CFAP299: variants seen among roughly 807,000 people sequenced by gnomAD.
CFAP299 encodes cilia- and flagella-associated protein 299.
Under a neutral mutation model 27.0 loss-of-function variants are expected in CFAP299, and 21 were observed. The ratio of observed to expected loss-of-function variants is 0.78; its 90% CI spans 0.55 to 1.12. The LOEUF is 1.12. Ranked by LOEUF, CFAP299 falls within the 50% of genes most tolerant of loss-of-function variation. CFAP299 has a pLI of 0.00. For synonymous variants in CFAP299, 104 were observed against 98.1 expected (o/e 1.06, Z -0.36); for missense variants, 310 against 276.6 (o/e 1.12, Z -0.86).
At chr4:80,565,252 G>A (rs1485507282) in intron 2 of CFAP299, among the ~76,000 whole-genome samples, 1 of 152,000 alleles carries the variant, frequency 6.6e-6, no homozygotes, top group East Asian at 1.9e-4. Flanking sequence ...ATCAGCAGCT[G>A]AGTGACTAAC....
chr4:80,901,179 C>CAA (rs930598724), intron 4 of CFAP299, among the ~76,000 whole-genome samples: 3 of 151,230 alleles, frequency 2.0e-5, no homozygotes, highest in South Asian at 2.1e-4. Flanking sequence ...TTATGGAGGG[C>CAA]AAAAAAAATA....
intron 1 of CFAP299, among the ~76,000 whole-genome samples, chr4:80,341,258 G>A (rs987053360): frequency 2.6e-5 from 4 of 152,234 alleles, no homozygotes; most frequent in Non-Finnish European, 5.9e-5. Context: ...AGCCTTTCTA[G>A]CTTGCTGGCT....
intron 2 of CFAP299, among the ~76,000 whole-genome samples, chr4:80,514,511 G>A (rs1346192884): frequency 6.6e-6 from 1 of 151,958 alleles, no homozygotes; most frequent in Non-Finnish European, 1.5e-5. Flanking sequence ...ATAAAAATGA[G>A]TTAATTCAGG....
At chr4:80,687,888 G>T (rs1353666082) in intron 3 of CFAP299, among the ~76,000 whole-genome samples, 1 of 152,204 alleles carries the variant, frequency 6.6e-6, no homozygotes, top group East Asian at 1.9e-4. Flanking sequence ...AGCACAGGGG[G>T]GTCAGGGAGT....
At chr4:80,942,543 T>G (rs1737253599) in intron 4 of CFAP299, among the ~76,000 whole-genome samples, 1 of 152,182 alleles carries the variant, frequency 6.6e-6, no homozygotes, top group Non-Finnish European at 1.5e-5. Flanking sequence ...CCATCTCTGC[T>G]TAGGAGAACA....
chr4:80,823,263 G>C (rs1729803571), intron 3 of CFAP299, among the ~76,000 whole-genome samples: 1 of 152,062 alleles, frequency 6.6e-6, no homozygotes, highest in African/African-American at 2.4e-5. Context: ...TCTCACCCTA[G>C]TTTAGGCCTT....
At chr4:80,647,660 TCACATTTGTTTC>T (rs1199184468) in intron 3 of CFAP299, among the ~76,000 whole-genome samples, 1 of 151,490 alleles carries the variant, frequency 6.6e-6, no homozygotes, top group Non-Finnish European at 1.5e-5. Flanking sequence ...CAAGAGCCAT[TCACATTTGTTTC>T]CACACATGTT....
At chr4:80,857,639 C>G (rs967806238) in intron 3 of CFAP299, among the ~76,000 whole-genome samples, 1 of 152,114 alleles carries the variant, frequency 6.6e-6, no homozygotes, top group Non-Finnish European at 1.5e-5. Context: ...TTGTCAAAGG[C>G]CTTTTCTGCA....
chr4:80,565,831 TAAAGC>T (rs1735254926), intron 2 of CFAP299, among the ~76,000 whole-genome samples: 1 of 152,102 alleles, frequency 6.6e-6, no homozygotes, highest in Admixed American at 6.6e-5. Context: ...ATATTTGTGA[TAAAGC>T]AAATGAGTTA....
chr4:80,799,519 TA>T (rs1728145750), intron 3 of CFAP299, among the ~76,000 whole-genome samples: 1 of 78,980 alleles, frequency 1.3e-5, no homozygotes, highest in South Asian at 4.2e-4. Context: ...TGTATATTTA[TA>T]TAATATATAA....
chr4:80,449,604 G>A (rs1343518348), intron 2 of CFAP299, among the ~76,000 whole-genome samples: 2 of 151,354 alleles, frequency 1.3e-5, no homozygotes, highest in African/African-American at 2.4e-5. Context: ...CTTAAAAAAC[G>A]TTTTAAATTA....
chr4:80,475,996 G>A (rs1730256067), intron 2 of CFAP299, among the ~76,000 whole-genome samples: 2 of 152,176 alleles, frequency 1.3e-5, no homozygotes, highest in South Asian at 4.1e-4. Context: ...GTGAGGCCAA[G>A]TAGTCTATCC....
intron 2 of CFAP299, among the ~76,000 whole-genome samples, chr4:80,476,885 G>A (rs1730297566): frequency 6.6e-6 from 1 of 151,940 alleles, no homozygotes; most frequent in East Asian, 1.9e-4. Flanking sequence ...GTATGATGGT[G>A]GATTTTACAC....
At chr4:80,674,200 C>G (rs936460289) in intron 3 of CFAP299, among the ~76,000 whole-genome samples, 1 of 152,068 alleles carries the variant, frequency 6.6e-6, no homozygotes, top group Non-Finnish European at 1.5e-5. Flanking sequence ...TTCAGGAGCT[C>G]TTTTAGGGCA....
chr4:80,343,799 T>TAAAAAA (rs35187249), intron 1 of CFAP299, among the ~76,000 whole-genome samples: 9 of 75,344 alleles, frequency 1.2e-4, no homozygotes, highest in Admixed American at 3.8e-4. Context: ...AGACTCCGTC[T>TAAAAAA]AAAAAAAAAA....
intron 3 of CFAP299, among the ~76,000 whole-genome samples, chr4:80,758,226 G>A (rs1244633871): frequency 4.6e-5 from 7 of 152,192 alleles, no homozygotes; most frequent in South Asian, 2.1e-4. Flanking sequence ...GCTGAGGAAA[G>A]TGGCTTTCAG....
intron 3 of CFAP299, among the ~76,000 whole-genome samples, chr4:80,823,741 G>A (rs969811473): frequency 6.6e-6 from 1 of 152,036 alleles, no homozygotes; most frequent in Non-Finnish European, 1.5e-5. Context: ...AACTGTTATA[G>A]CAATGCATGA....
intron 2 of CFAP299, among the ~76,000 whole-genome samples, chr4:80,470,844 T>G (rs893559732): frequency 6.6e-6 from 1 of 152,084 alleles, no homozygotes; most frequent in Non-Finnish European, 1.5e-5. Flanking sequence ...AGCAGAAAAA[T>G]TAATTACAAA....
intron 2 of CFAP299, among the ~76,000 whole-genome samples, chr4:80,435,752 A>T (rs1302968728): frequency 6.6e-6 from 1 of 152,186 alleles, no homozygotes; most frequent in Non-Finnish European, 1.5e-5. Flanking sequence ...TGTAATTCCT[A>T]CCTAGTGGGA....
Sources: allele counts gnomAD v4.1 joint callset (sites outside exome capture counted in the v4.1 genomes callset), GRCh38; gene constraint gnomAD v4.1.1; transcripts MANE v1.5; gene names NCBI Gene and HGNC (gene_info 2026-07-23, HGNC 2026-07-21).